NCAM2: variants seen among roughly 807,000 people sequenced by gnomAD.
NCAM2 encodes the protein N-CAM-2.
Under a neutral mutation model 98.1 loss-of-function variants are expected in NCAM2, and 30 were observed. The observed-to-expected ratio is 0.31, with a 90% CI of 0.23 to 0.41. The LOEUF (loss-of-function observed/expected upper bound fraction) is 0.41, where lower values mean the gene tolerates loss of function less well. NCAM2 is among the 10% of genes least tolerant of loss of function. The pLI is 1.00. For synonymous variants in NCAM2, 368 were observed against 342.4 expected (o/e 1.07, Z -0.83); for missense variants, 867 against 1,005.8 (o/e 0.86, Z 1.87).
At chr21:21,130,842 T>G (rs1294520855) in intron 1 of NCAM2, among the ~76,000 whole-genome samples, 1 of 152,192 alleles carries the variant, frequency 6.6e-6, no homozygotes. Flanking sequence ...TCCAAAAATA[T>G]AAGCTGGTAA....
intron 15 of NCAM2, among the ~76,000 whole-genome samples, chr21:21,495,770 T>C (rs575690932): frequency 5.7e-4 from 86 of 152,022 alleles, no homozygotes; most frequent in African/African-American, 2.0e-3. Flanking sequence ...ACTCCTTACG[T>C]CAAATGGGAA....
rs1208665437 is a variant in NCAM2 at position 21,421,000 on chromosome 21, A to C, written c.1480+2431A>C. On this transcript the variant is annotated intron_variant, in intron 11 of 17. Transcript: ENST00000400546. ...CAACTTTTCTTTAAATTAGTATATA[A>C]TTTTATAAATAATTAGATATAGGAT... Among the ~76,000 whole-genome samples the C allele has an allele frequency of 4.6e-5, 7 of 151,654 alleles. No individual in the cohort carries two copies. In the East Asian group the frequency reaches 1.2e-3, roughly 25 times the overall value.
intron 2 of NCAM2, among the ~76,000 whole-genome samples, chr21:21,281,747 G>T (rs2072937767): frequency 6.6e-6 from 1 of 151,638 alleles, no homozygotes; most frequent in Non-Finnish European, 1.5e-5. Flanking sequence ...TTCTAATCTT[G>T]ATTACACTAA....
Position 21,123,526 on chromosome 21 carries a change from C to A in NCAM2, c.55+124908C>A, listed in dbSNP as rs143954381. On this transcript the variant is annotated intron_variant, in intron 1 of 17. Transcript: ENST00000400546. ...CCTTTCCTCAGTCTAATCCCACCCCCGTGGTGAGGAATTGTAACACACTGG... is the reference window on the plus strand; with the variant it reads ...CCTTTCCTCAGTCTAATCCCACCCCAGTGGTGAGGAATTGTAACACACTGG... 2.0e-3 allele frequency among the ~76,000 whole-genome samples: 300 copies of A among 152,244 alleles called. 1 individual carries two copies. Among genetic ancestry groups the A allele is most frequent in the African/African-American group, 7.1e-3 (296 of 41,540 alleles).
intron 9 of NCAM2, among the ~76,000 whole-genome samples, chr21:21,406,175 A>G (rs1353254992): frequency 6.6e-6 from 1 of 152,184 alleles, no homozygotes; most frequent in South Asian, 2.1e-4. Flanking sequence ...GACTATTGCA[A>G]TAGAAGAGAG....
chr21:21,474,910 A>G (rs1984958602), intron 14 of NCAM2, among the ~76,000 whole-genome samples: 2 of 151,826 alleles, frequency 1.3e-5, no homozygotes, highest in Admixed American at 1.3e-4. Context: ...ATATATATAC[A>G]TACATTTAAC....
At chr21:21,241,823 A>G (rs1029424095) in intron 1 of NCAM2, among the ~76,000 whole-genome samples, 5 of 152,132 alleles carry the variant, frequency 3.3e-5, no homozygotes, top group African/African-American at 1.2e-4. Context: ...ATAAAATTTG[A>G]TGGTGAGTGT....
chr21:21,516,804 A>G (rs1317719752), intron 16 of NCAM2, among the ~76,000 whole-genome samples: 1 of 152,080 alleles, frequency 6.6e-6, no homozygotes, highest in Non-Finnish European at 1.5e-5. Flanking sequence ...CAAATTCTCA[A>G]ACCATCTTGG....
At chr21:21,404,168 TAACTC>T (rs2076689773) in intron 9 of NCAM2, among the ~76,000 whole-genome samples, 1 of 152,178 alleles carries the variant, frequency 6.6e-6, no homozygotes. Context: ...ATAAAATAGA[TAACTC>T]AATATTTCCC....
chr21:21,031,896 T>A (rs1298071800), intron 1 of NCAM2, among the ~76,000 whole-genome samples: 1 of 152,170 alleles, frequency 6.6e-6, no homozygotes, highest in African/African-American at 2.4e-5. Context: ...TTTATATTAT[T>A]TCTGTGACTT....
rs1039076805 is a variant in NCAM2 at position 21,000,270 on chromosome 21, G to A, written c.55+1652G>A. On this transcript the variant is annotated intron_variant, in intron 1 of 17. Coordinates refer to ENST00000400546, the MANE Select transcript of NCAM2 (RefSeq NM_004540.5). The stretch of plus-strand genomic sequence containing the variant: ...TGAAAATTGCAGTTAAAATACAACT[G>A]CAATTAAATAAGTGTAGGTAGTGTG... 7.2e-5 allele frequency among the ~76,000 whole-genome samples: 11 copies of A among 152,262 alleles called. No individual in the cohort carries two copies. The South Asian group carries it at 1.9e-3, about 26-fold the overall frequency.
At chr21:21,164,967 C>G (rs1452240581) in intron 1 of NCAM2, among the ~76,000 whole-genome samples, 7 of 151,998 alleles carry the variant, frequency 4.6e-5, no homozygotes, top group Non-Finnish European at 1.0e-4. Context: ...TATCATATAC[C>G]AGGCACTATC....
rs149500851 is a variant in NCAM2 at position 21,144,958 on chromosome 21, G to T, written c.56-135620G>T. ...TGTGAAAAGCAAATTAATATAGGAC[G>T]CTGAAAGAAATAATGATCATGAAGA... On this transcript the variant is annotated intron_variant, in intron 1 of 17. Coordinates refer to ENST00000400546, the MANE Select transcript of NCAM2 (RefSeq NM_004540.5). Among the ~76,000 whole-genome samples, 256 of 152,158 alleles carry T rather than the reference G, an allele frequency of 1.7e-3. 1 individual carries two copies. Among genetic ancestry groups the T allele is most frequent in the African/African-American group, 6.1e-3 (252 of 41,540 alleles).
At chr21:21,184,327 AAAG>A (rs1045026714) in intron 1 of NCAM2, among the ~76,000 whole-genome samples, 2 of 152,056 alleles carry the variant, frequency 1.3e-5, no homozygotes, top group African/African-American at 4.8e-5. Flanking sequence ...AAAAAAAAGA[AAAG>A]AAAAAAGTAA....
intron 1 of NCAM2, among the ~76,000 whole-genome samples, chr21:21,004,002 A>G (rs571546904): frequency 9.9e-4 from 150 of 152,246 alleles, no homozygotes; most frequent in Admixed American, 2.1e-3. Context: ...GACCAACATC[A>G]GGCTGGTGTT....
chr21:21,108,917 C>A (rs1047179400), intron 1 of NCAM2, among the ~76,000 whole-genome samples: 1 of 152,082 alleles, frequency 6.6e-6, no homozygotes, highest in Non-Finnish European at 1.5e-5. Context: ...TGCTAACTCT[C>A]GGGTATCACC....
intron 9 of NCAM2, among the ~76,000 whole-genome samples, chr21:21,376,207 ATGCCCTGGGATTTC>A (rs2148064787): frequency 6.6e-6 from 1 of 151,954 alleles, no homozygotes; most frequent in African/African-American, 2.4e-5. Context: ...TTCTCCAGAG[ATGCCCTGGGATTTC>A]TGAATTATTG....
At chr21:21,465,896 T>A (rs561918826) in intron 12 of NCAM2, among the ~76,000 whole-genome samples, 25 of 152,138 alleles carry the variant, frequency 1.6e-4, no homozygotes, top group African/African-American at 5.5e-4. Flanking sequence ...TATAATTGCA[T>A]CCAAAATTAA....
chr21:21,197,941 T>C (rs1285156150), intron 1 of NCAM2, among the ~76,000 whole-genome samples: 1 of 152,206 alleles, frequency 6.6e-6, no homozygotes, highest in Non-Finnish European at 1.5e-5. Flanking sequence ...TTGCCTTTAC[T>C]GTTACTATGA....
Sources: gnomAD v4.1 joint callset for allele counts (sites outside exome capture counted in the v4.1 genomes callset) on GRCh38, gnomAD v4.1.1 for gene constraint, MANE v1.5 for transcripts, NCBI Gene and HGNC (gene_info 2026-07-23, HGNC 2026-07-21) for gene names.